ICAM2: variants seen among roughly 807,000 people sequenced by gnomAD.
ICAM2 encodes intercellular adhesion molecule 2.
A neutral mutation model predicts 19.1 loss-of-function variants in ICAM2; 14 were observed. The ratio of observed to expected loss-of-function variants is 0.73; its 90% confidence interval spans 0.48 to 1.15. The LOEUF is 1.15. Ranked by LOEUF, ICAM2 falls within the 50% of genes most tolerant of loss-of-function variation. ICAM2 has a pLI of 0.00. For missense variants in ICAM2, 311 were observed against 355.4 expected, an observed-to-expected ratio of 0.88 and a Z score of 1.00; for synonymous variants, 153 against 152.7, an observed-to-expected ratio of 1.00 and a Z score of -0.01.
At chr17:64,014,372 AAAGAAAGGAAGG>A (rs1388478380) in intron 1 of ICAM2, among the ~76,000 whole-genome samples, 1 of 59,418 alleles carries the variant, frequency 1.7e-5, no homozygotes, top group African/African-American at 5.7e-5. Flanking sequence ...AGAAAGAAAG[AAAGAAAGGAAGG>A]AAGGAAGGAA....
rs1911120216 is a variant in ICAM2, at chr17:64,005,176, T to C, written c.259A>G (p.Thr87Ala). Residue 87 changes from threonine to alanine, a missense_variant, in exon 3 of 5, where the codon ACG becomes GCG. By Grantham distance (58) the Thr-to-Ala change is moderately conservative. Coordinates refer to ENST00000579788, the MANE Select transcript of ICAM2 (RefSeq NM_001099789.2). ...CAGGTGAAGTGGCATTGGAGGACCG[T>C]GTCATGGGAGATGTTTGAGACCAAG... is the stretch of plus-strand genomic sequence containing the variant. ...HYLVSNISHD[T>A]VLQCHFTCSG... is the part of the protein sequence containing the mutation. 4 of 1,614,126 alleles carry C rather than the reference T, an allele frequency of 2.5e-6. No individual in the cohort carries two copies. The highest frequency in any genetic ancestry group is 4.5e-5 in the East Asian group (2 of 44,876).
At position 64,002,632 on chromosome 17, in the gene ICAM2, T is replaced by C. The variant is rs1307309381; in HGVS notation, c.*115A>G. On this transcript the variant is annotated 3_prime_UTR_variant, in exon 5 of 5. Coordinates refer to ENST00000579788, the MANE Select transcript of ICAM2 (RefSeq NM_001099789.2). ...TTTGTATTCGGGCTAGAAAAGGCAA[T>C]GTCCCAAGTCTCTGCTGCCTGTCAC... 4.4e-6 allele frequency: 4 copies of C among 908,174 alleles called. No individual in the cohort carries two copies. The highest frequency in any genetic ancestry group is 3.3e-5 in the African/African-American group (2 of 60,064). 56.3% of individuals were successfully genotyped at this position (908,174 alleles called of 1,614,324 possible).
intron 1 of ICAM2, among the ~76,000 whole-genome samples, chr17:64,018,333 CAA>C (rs376250303): frequency 1.1e-4 from 6 of 52,738 alleles, no homozygotes; most frequent in Non-Finnish European, 1.2e-4. Context: ...GACTCTATCT[CAA>C]AAAAAAAAAA....
intron 1 of ICAM2, among the ~76,000 whole-genome samples, chr17:64,012,840 A>G (rs930928107): frequency 6.6e-6 from 1 of 152,198 alleles, no homozygotes; most frequent in African/African-American, 2.4e-5. Context: ...ATCTGTTGGG[A>G]GGGTTCTGAA....
At chr17:64,018,540 T>C (rs1233356381) in intron 1 of ICAM2, among the ~76,000 whole-genome samples, 1 of 151,866 alleles carries the variant, frequency 6.6e-6, no homozygotes, top group Non-Finnish European at 1.5e-5. Context: ...CGTAGGTTAA[T>C]AGGCACCCTT....
chr17:64,014,569 GAGAA>G (rs1428682921), intron 1 of ICAM2, among the ~76,000 whole-genome samples: 1 of 131,476 alleles, frequency 7.6e-6, no homozygotes, highest in African/African-American at 2.9e-5. Flanking sequence ...GAAAGAGAGA[GAGAA>G]AGGAAGGAAG....
intron 3 of ICAM2, chr17:64,004,294 T>C (rs1911051082): frequency 3.5e-6 from 1 of 286,952 alleles, no homozygotes; most frequent in African/African-American, 2.2e-5. Flanking sequence ...AACAGTTGGG[T>C]GATCACGTTG....
At position 64,014,678 on chromosome 17, in the gene ICAM2, AAAGG is replaced by A. The variant is rs1169331312; in HGVS notation, c.-45+5841_-45+5844del. Among the ~76,000 whole-genome samples the A allele has an allele frequency of 3.3e-3, 433 of 130,182 alleles. 6 individuals are homozygous for A. Among genetic ancestry groups the A allele is most frequent in the African/African-American group, 0.012 (413 of 33,324 alleles). 85.4% of individuals were successfully genotyped at this position (130,182 alleles called of 152,430 possible). A position where few individuals can be genotyped will look rare whatever the true frequency, so the allele number is the denominator to read the frequency against. On this transcript the variant is annotated intron_variant, in intron 1 of 4. Transcript: ENST00000579788. ...GAAAGGAAGAAAGAGAGAAAGAAAG[AAAGG>A]AAGGAAGGAAGGAAGGAAGGAAGGA...
In ICAM2 at chr17:64,003,923, C is replaced by G. The variant is rs1328506081; in HGVS notation, c.370G>C (p.Val124Leu). 1 of 1,613,994 alleles carries G rather than the reference C, an allele frequency of 6.2e-7. No homozygotes were observed. Among genetic ancestry groups the G allele is most frequent in the Admixed American group, 1.7e-5 (1 of 60,002 alleles). The change falls in exon 4 of 5, where the codon GTG (valine) becomes CTG (leucine). Residue 124 changes from valine (V) to leucine (L), a missense_variant. Transcript: ENST00000579788. ...ATGGTGAAGGACTTGCCCACAGCCA[C>G]CAAAGTGGGTTGCAGTGTCAGGATG... Reference protein sequence around the residue: ...QVILTLQPTLVAVGKSFTIEC... With the variant: ...QVILTLQPTLLAVGKSFTIEC...
chr17:64,007,181 G>A (rs1911252414), intron 1 of ICAM2, among the ~76,000 whole-genome samples: 1 of 152,202 alleles, frequency 6.6e-6, no homozygotes, highest in Non-Finnish European at 1.5e-5. Flanking sequence ...AGCCTGGAGG[G>A]CAATTTGAGC....
chr17:64,005,860 G>A (rs1441899442), intron 2 of ICAM2: 1 of 172,448 alleles, frequency 5.8e-6, no homozygotes, highest in Non-Finnish European at 1.3e-5. Flanking sequence ...AGTGATCACA[G>A]TAGACCAAAC....
At chr17:64,004,052 T>C (rs955368137) in intron 3 of ICAM2, 88 bp from the exon 4 acceptor site, 51 of 1,043,468 alleles carry the variant, frequency 4.9e-5, no homozygotes, top group Non-Finnish European at 6.9e-5. Context: ...CCTGTCACCA[T>C]GGTGTTCCAC....
At chr17:64,014,571 G>C (rs1375586041) in intron 1 of ICAM2, among the ~76,000 whole-genome samples, 1 of 136,084 alleles carries the variant, frequency 7.3e-6, no homozygotes, top group Non-Finnish European at 1.6e-5. Context: ...AAGAGAGAGA[G>C]AAAGGAAGGA....
chr17:64,014,279 G>T (rs1038807372), intron 1 of ICAM2, among the ~76,000 whole-genome samples: 1 of 140,050 alleles, frequency 7.1e-6, no homozygotes, highest in Non-Finnish European at 1.5e-5. Context: ...TTTGAGACAG[G>T]CCTGGGCAAC....
chr17:64,014,728 A>C (rs1186148710), intron 1 of ICAM2, among the ~76,000 whole-genome samples: 1 of 17,018 alleles, frequency 5.9e-5, no homozygotes, highest in African/African-American at 7.8e-5. Context: ...GAAGGAAGAA[A>C]GAAAGAAAGA....
intron 2 of ICAM2, chr17:64,005,961 G>C (rs1194273886): frequency 6.2e-6 from 1 of 160,236 alleles, no homozygotes; most frequent in Admixed American, 5.8e-5. Context: ...GCAGGGAGTG[G>C]GGGTGAGGCC....
In ICAM2 at chr17:64,007,464, G is replaced by T. The variant is rs533286726; in HGVS notation, c.-44-729C>A. Among the ~76,000 whole-genome samples the T allele has an allele frequency of 2.8e-4, 43 of 152,198 alleles. No individual in the cohort carries two copies. In the South Asian group the frequency reaches 7.9e-3, roughly 28 times the overall value. The stretch of plus-strand genomic sequence containing the variant: ...TTTAATAGAGATGGGGTTTCACCAT[G>T]TTGTCTAGGCTGGTCTTGAACTCCT... On this transcript the variant is annotated intron_variant, in intron 1 of 4. Coordinates refer to ENST00000579788, the MANE Select transcript of ICAM2 (RefSeq NM_001099789.2).
intron 1 of ICAM2, among the ~76,000 whole-genome samples, chr17:64,014,682 G>A (rs1244119349): frequency 1.5e-4 from 18 of 120,894 alleles, no homozygotes; most frequent in South Asian, 8.5e-4. Flanking sequence ...AGAAAGAAAG[G>A]AAGGAAGGAA....
intron 1 of ICAM2, among the ~76,000 whole-genome samples, chr17:64,016,441 C>G (rs531232204): frequency 3.6e-4 from 55 of 152,300 alleles, no homozygotes; most frequent in African/African-American, 1.3e-3. Flanking sequence ...TTATACTATG[C>G]TTCTTTTTGC....
Sources: gnomAD v4.1 joint callset for allele counts (sites outside exome capture counted in the v4.1 genomes callset) on GRCh38, gnomAD v4.1.1 for gene constraint, MANE v1.5 for transcripts, NCBI Gene and HGNC (gene_info 2026-07-23, HGNC 2026-07-21) for gene names.